The following NFRKB variants were observed in gnomAD, a reference collection of about 807,000 sequenced individuals.
NFRKB encodes the protein nuclear factor related to kappaB binding protein, also known as nuclear factor related to kappa-B-binding protein.
Under a neutral mutation model 135.7 loss-of-function variants are expected in NFRKB, and 62 were observed. The observed-to-expected ratio is 0.46, with a 90% CI of 0.37 to 0.56. NFRKB has a LOEUF of 0.56. NFRKB is among the 20% of genes least tolerant of loss of function. NFRKB has a pLI of 0.00. For synonymous variants in NFRKB, 678 were observed against 635.6 expected, an observed-to-expected ratio of 1.07 and a Z score of -1.00; for missense variants, 1,545 against 1,662.0, an observed-to-expected ratio of 0.93 and a Z score of 1.22.
In NFRKB at chr11:129,869,654, A is replaced by T. The variant is rs1056688458; in HGVS notation, c.3371T>A (p.Val1124Asp). 6.2e-7 allele frequency: 1 copy of T among 1,614,016 alleles called. No individual in the cohort carries two copies. The highest frequency in any genetic ancestry group is 8.5e-7 in the Non-Finnish European group (1 of 1,180,042). ...GGGTAAGGACACCGCTGAAGTATGG[A>T]CAGTTCCAGACCCACTGGCCACCGA... ...GASVASGSGT[V>D]HTSAVSLPSM... Residue 1124 changes from valine to aspartate, a missense_variant, in exon 24 of 27, where the codon GTC becomes GAC. By Grantham distance (152) the Val-to-Asp change is radical (BLOSUM62 -3). This residue lies in a region of NFRKB where 753 missense variants were observed against 804.3 expected (regional missense o/e 0.94). Transcript: ENST00000682444.
chr11:129,878,562 G>C lies in NFRKB; in HGVS notation c.1385-19C>G. The C allele has an allele frequency of 2.5e-6, 4 of 1,597,762 alleles. 1 individual carries two copies. Among genetic ancestry groups the C allele is most frequent in the Admixed American group, 3.4e-5 (2 of 58,902 alleles). On this transcript the variant is annotated intron_variant, in intron 13 of 26. Coordinates refer to ENST00000682444, the MANE Select transcript of NFRKB (RefSeq NM_001143835.2). ...GATTGGCCTATTAGAGGAATAAAGA[G>C]ATAAAAAAATAAGAAGGTCTAAGGT...
At chr11:129,891,114 C>A (rs1016793958) in intron 3 of NFRKB, among the ~76,000 whole-genome samples, 7 of 152,144 alleles carry the variant, frequency 4.6e-5, no homozygotes, top group Non-Finnish European at 8.8e-5. Context: ...GTGACCAGAA[C>A]CAGAGGCCTT....
At chr11:129,872,094 CA>C (rs1948537761) in intron 23 of NFRKB, among the ~76,000 whole-genome samples, 1 of 152,154 alleles carries the variant, frequency 6.6e-6, no homozygotes, top group Non-Finnish European at 1.5e-5. Context: ...GTCACCTCCC[CA>C]GAGAGGCCTT....
rs1169197607 is a variant in NFRKB, at chr11:129,864,129, T to C, written c.*596A>G. ...GAATTCCCATCTTACAGCCTCTCGA[T>C]TACTATGCAGTTACCAAGCTGGCTA... On this transcript the variant is annotated 3_prime_UTR_variant, in exon 27 of 27. Transcript: ENST00000682444. 6.6e-6 allele frequency: 1 copy of C among 152,354 alleles called. No individual in the cohort carries two copies. Among genetic ancestry groups the C allele is most frequent in the East Asian group, 1.9e-4 (1 of 5,196 alleles). The allele number at this position is 152,354 out of a possible 1,614,324, so 9.4% of individuals were successfully genotyped here. A position where few individuals can be genotyped will look rare whatever the true frequency, so the allele number is the denominator to read the frequency against.
At position 129,884,065 on chromosome 11, in the gene NFRKB, C is replaced by G; in HGVS notation, c.816+5G>C. 6.2e-7 allele frequency: 1 copy of G among 1,614,200 alleles called. No homozygotes were observed. On this transcript the variant is annotated splice_donor_5th_base_variant and intron_variant, in intron 8 of 26. Coordinates refer to ENST00000682444, the MANE Select transcript of NFRKB (RefSeq NM_001143835.2). ...CCACACGGCCGCACGCCCTTCCCAT[C>G]TTACTGGCTGATGTTTCCGCTTCTC... is the stretch of plus-strand genomic sequence containing the variant.
intron 6 of NFRKB, 109 bp from the exon 7 acceptor site, chr11:129,884,955 G>A: frequency 6.5e-7 from 1 of 1,532,330 alleles, no homozygotes; most frequent in Non-Finnish European, 8.9e-7. Context: ...CAACATGGAG[G>A]CCAGGGTTCC....
intron 23 of NFRKB, among the ~76,000 whole-genome samples, chr11:129,871,770 C>T (rs899417034): frequency 6.6e-6 from 1 of 152,194 alleles, no homozygotes; most frequent in African/African-American, 2.4e-5. Flanking sequence ...CCCCATTGTT[C>T]ATTCTACCCA....
rs1280514060 is a variant in NFRKB at position 129,874,014 on chromosome 11, C to T, written c.2281G>A (p.Val761Ile). The T allele has an allele frequency of 1.2e-6, 2 of 1,611,750 alleles. No individual in the cohort carries two copies. Among genetic ancestry groups the T allele is most frequent in the Admixed American group, 3.3e-5 (2 of 59,984 alleles). The change falls in exon 22 of 27, where the codon GTT becomes ATT. Residue 761 changes from valine to isoleucine, a missense_variant and splice_region_variant. Transcript: ENST00000682444. The surrounding 1 kb of genome is among the most constrained non-coding windows in gnomAD (Gnocchi z 4.5). ...VSEPAKSSSG[V>I]LLVSSPTMPH... ...ATTGTTGGTGAAGACACCAGAAGAA[C>T]ACTATGAAGAACATCGGGGAAAGAC...
chr11:129,869,197 T>C (rs550917388), intron 24 of NFRKB, among the ~76,000 whole-genome samples: 1 of 152,358 alleles, frequency 6.6e-6, no homozygotes, highest in South Asian at 2.1e-4. Context: ...TCAGGTTTTA[T>C]TTTGTCTGCA....
Position 129,886,348 on chromosome 11 carries a change from C to A in NFRKB, c.434G>T (p.Arg145Leu). 6.2e-7 allele frequency: 1 copy of A among 1,614,064 alleles called. No individual in the cohort carries two copies. Among genetic ancestry groups the A allele is most frequent in the Non-Finnish European group, 8.5e-7 (1 of 1,180,012 alleles). ...GGAAGCAAGAATTTGCTTCAGCAGC[C>A]GATGGAAATACTGCTGCTGGGAGTT... is the stretch of plus-strand genomic sequence containing the variant. ...YLNSQQQYFH[R>L]LLKQILASRS... Residue 145 changes from arginine to leucine, a missense_variant, in exon 5 of 27, where the codon CGG becomes CTG. This residue lies in a region of NFRKB where 678 missense variants were observed against 646.7 expected (regional missense o/e 1.05). Transcript: ENST00000682444.
chr11:129,886,914 G>C (rs566997561), intron 4 of NFRKB, among the ~76,000 whole-genome samples: 59 of 152,328 alleles, frequency 3.9e-4, no homozygotes, highest in African/African-American at 1.2e-3. Flanking sequence ...TAGTGAAACA[G>C]ATCTCTGCCA....
chr11:129,881,801 C>A lies in NFRKB; in HGVS notation c.1244G>T (p.Ser415Ile). 1 of 1,613,518 alleles carries A rather than the reference C, an allele frequency of 6.2e-7. No individual in the cohort carries two copies. The highest frequency in any genetic ancestry group is 8.5e-7 in the Non-Finnish European group (1 of 1,179,800). ...CCAGTTGGGGGCCGCAGAGAACCAG[C>A]TGTTGAGGGAGCTGGCTGGCGATGA... is the stretch of plus-strand genomic sequence containing the variant. ...WQSSPASSLNSWFSAAPNWAE... is the reference protein window; with the variant it reads ...WQSSPASSLNIWFSAAPNWAE... Residue 415 changes from serine (S) to isoleucine (I), a missense_variant, in exon 12 of 27, where the codon AGC (serine) becomes ATC (isoleucine). Around this residue, in one of 3 missense-constraint regions of NFRKB, gnomAD observed 678 missense variants for 646.7 expected, o/e 1.05. Transcript: ENST00000682444.
rs11821187 is a variant in NFRKB at position 129,892,486 on chromosome 11, T to C, written c.135+229A>G. Among the ~76,000 whole-genome samples, 1,115 of 152,340 alleles carry C rather than the reference T, an allele frequency of 7.3e-3. 9 individuals carry two copies. The highest frequency in any genetic ancestry group is 0.025 in the African/African-American group (1,028 of 41,564). ...ATAGGGCTTAAATCATGTTATCAAG[T>C]TATTCTGGCATGTTATTAAACATGC... is the stretch of plus-strand genomic sequence containing the variant. On this transcript the variant is annotated intron_variant, in intron 3 of 26. Coordinates refer to ENST00000682444, the MANE Select transcript of NFRKB (RefSeq NM_001143835.2).
intron 8 of NFRKB, 90 bp downstream of exon 8, chr11:129,883,980 G>C: frequency 2.3e-6 from 3 of 1,320,892 alleles, no homozygotes. Flanking sequence ...ACATACAGAC[G>C]AGGCAGTGAT....
At chr11:129,884,238 T>A in intron 7 of NFRKB, 95 bp from the exon 8 acceptor site, 1 of 1,299,440 alleles carries the variant, frequency 7.7e-7, no homozygotes, top group Non-Finnish European at 1.1e-6. Flanking sequence ...GAGTTTCCCT[T>A]CTGACACCTG....
intron 22 of NFRKB, 114 bp from the exon 23 acceptor site, chr11:129,873,210 C>T (rs534319469): frequency 3.1e-5 from 27 of 860,590 alleles, no homozygotes; most frequent in African/African-American, 2.7e-4. Flanking sequence ...AGCTTCTAAT[C>T]CCACAGTACT....
At chr11:129,888,442 T>C (rs1346440527) in intron 4 of NFRKB, 152 bp downstream of exon 4, 1 of 789,680 alleles carries the variant, frequency 1.3e-6, no homozygotes, top group East Asian at 2.6e-5. Flanking sequence ...GAACACAGCC[T>C]AGACAGCAAA....
intron 4 of NFRKB, 192 bp downstream of exon 4, chr11:129,888,402 C>T (rs1949380199): frequency 4.3e-6 from 3 of 697,600 alleles, no homozygotes; most frequent in Non-Finnish European, 7.8e-6. Flanking sequence ...TATGTATTTT[C>T]TATATAAGTC....
Position 129,888,723 on chromosome 11 carries a change from G to C in NFRKB, c.208C>G (p.Leu70Val). 1 of 1,614,166 alleles carries C rather than the reference G, an allele frequency of 6.2e-7. No individual in the cohort carries two copies. The highest frequency in any genetic ancestry group is 8.5e-7 in the Non-Finnish European group (1 of 1,180,004). The change falls in exon 4 of 27, where the codon CTC becomes GTC. Residue 70 changes from leucine to valine, a missense_variant. By Grantham distance (32) the Leu-to-Val change is conservative. Around this residue, in one of 3 missense-constraint regions of NFRKB, gnomAD observed 678 missense variants for 646.7 expected, o/e 1.05. Transcript: ENST00000682444. ...GGAAACTGGGGCAGAAACTGCTGGA[G>C]GTGTTCACGTTGAGAATCACTTAAC... is the stretch of plus-strand genomic sequence containing the variant. ...EVLSDSQREH[L>V]QQFLPQFPED...
Sources: allele counts gnomAD v4.1 joint callset (sites outside exome capture counted in the v4.1 genomes callset), GRCh38; gene constraint gnomAD v4.1.1; regional missense constraint gnomAD v4.1.1; non-coding constraint Gnocchi (gnomAD v3.1); transcripts MANE v1.5; gene names NCBI Gene and HGNC (gene_info 2026-07-23, HGNC 2026-07-21).